Variants in PTPRM observed in about 807,000 individuals in gnomAD.
PTPRM encodes protein tyrosine phosphatase receptor type M, also known as receptor-type tyrosine-protein phosphatase mu.
Under a neutral mutation model 186.7 loss-of-function variants are expected in PTPRM, and 47 were observed. The ratio of observed to expected loss-of-function variants is 0.25; its 90% CI spans 0.20 to 0.32. PTPRM has a LOEUF of 0.32. PTPRM is among the 10% of genes least tolerant of loss of function. The pLI is 1.00. For synonymous variants in PTPRM, 668 were observed against 674.9 expected, an observed-to-expected ratio of 0.99 and a Z score of 0.16; for missense variants, 1,494 against 1,865.0, an observed-to-expected ratio of 0.80 and a Z score of 3.66.
chr18:7,785,272 A>G (rs1347344539), intron 2 of PTPRM, among the ~76,000 whole-genome samples: 4 of 152,228 alleles, frequency 2.6e-5, no homozygotes, highest in African/African-American at 9.6e-5. Flanking sequence ...AAAATTTCTG[A>G]TAAGAGTGTC....
intron 1 of PTPRM, among the ~76,000 whole-genome samples, chr18:7,655,349 C>T (rs1293157294): frequency 6.6e-6 from 1 of 152,144 alleles, no homozygotes; most frequent in African/African-American, 2.4e-5. Flanking sequence ...CATGAGCCAC[C>T]ACGCCCCACC....
intron 5 of PTPRM, among the ~76,000 whole-genome samples, chr18:7,947,609 A>G (rs1200252394): frequency 6.6e-6 from 1 of 152,118 alleles, no homozygotes; most frequent in Non-Finnish European, 1.5e-5. Context: ...CCTTAACTTC[A>G]TCCAAAGCCT....
At position 7,582,486 on chromosome 18, in the gene PTPRM, G is replaced by C. The variant is rs575797922; in HGVS notation, c.73+14595G>C. Among the ~76,000 whole-genome samples, 7 of 152,264 alleles carry C rather than the reference G, an allele frequency of 4.6e-5. No homozygotes were observed. In the South Asian group the frequency reaches 1.2e-3, roughly 27 times the overall value. On this transcript the variant is annotated intron_variant, in intron 1 of 32. Coordinates refer to ENST00000580170, the MANE Select transcript of PTPRM (RefSeq NM_001105244.2). The stretch of plus-strand genomic sequence containing the variant: ...TCTCCTGGCCAAAGCCAGTTACAAG[G>C]CCAGCCTAGAATCAAGGGTGGGGAA...
intron 14 of PTPRM, among the ~76,000 whole-genome samples, chr18:8,153,193 C>T (rs890024380): frequency 2.6e-5 from 4 of 152,134 alleles, no homozygotes; most frequent in African/African-American, 9.7e-5. Context: ...ATTTTTAATT[C>T]CGGGAATATG....
intron 19 of PTPRM, among the ~76,000 whole-genome samples, chr18:8,286,078 A>G (rs1170858578): frequency 6.6e-6 from 1 of 152,194 alleles, no homozygotes; most frequent in African/African-American, 2.4e-5. Flanking sequence ...AACAGAGGGA[A>G]GTGGTGAGGG....
chr18:7,625,934 G>A (rs1464152715), intron 1 of PTPRM, among the ~76,000 whole-genome samples: 1 of 152,154 alleles, frequency 6.6e-6, no homozygotes, highest in Admixed American at 6.5e-5. Context: ...TGACATTGGG[G>A]CCCATGAGCC....
chr18:7,804,436 A>G (rs1037931451), intron 2 of PTPRM, among the ~76,000 whole-genome samples: 3 of 152,222 alleles, frequency 2.0e-5, no homozygotes, highest in Non-Finnish European at 4.4e-5. Flanking sequence ...TGTAAATAGC[A>G]GTATGTTTTG....
chr18:7,950,574 G>A (rs2052876570), intron 6 of PTPRM, among the ~76,000 whole-genome samples: 1 of 152,148 alleles, frequency 6.6e-6, no homozygotes, highest in Non-Finnish European at 1.5e-5. Flanking sequence ...TGTGTGTAAG[G>A]TAGATATCAG....
chr18:8,343,088 A>G (rs1049056367), intron 22 of PTPRM, among the ~76,000 whole-genome samples: 8 of 151,832 alleles, frequency 5.3e-5, no homozygotes, highest in Admixed American at 1.3e-4. Context: ...AATGTTATCT[A>G]TTTTTTAAAA....
chr18:8,239,463 G>A (rs1020477330), intron 14 of PTPRM, among the ~76,000 whole-genome samples: 1 of 151,972 alleles, frequency 6.6e-6, no homozygotes, highest in African/African-American at 2.4e-5. Flanking sequence ...GTTCCTGGAG[G>A]TAAAACTCAC....
intron 19 of PTPRM, among the ~76,000 whole-genome samples, chr18:8,273,377 C>A (rs558731534): frequency 6.6e-6 from 1 of 152,192 alleles, no homozygotes; most frequent in East Asian, 1.9e-4. Context: ...TATGTGAGCC[C>A]CTGACTGCTG....
intron 19 of PTPRM, among the ~76,000 whole-genome samples, chr18:8,271,516 T>C (rs2094770943): frequency 1.3e-5 from 2 of 152,002 alleles, no homozygotes; most frequent in African/African-American, 4.8e-5. Context: ...TAAAATAATA[T>C]CTGCTTTTTA....
rs559968618 is a variant in PTPRM at position 7,699,651 on chromosome 18, C to A, written c.74-74498C>A. Among the ~76,000 whole-genome samples, 7 of 151,940 alleles carry A rather than the reference C, an allele frequency of 4.6e-5. No individual in the cohort carries two copies. The East Asian group carries it at 1.4e-3, about 29-fold the overall frequency. On this transcript the variant is annotated intron_variant, in intron 1 of 32. Transcript: ENST00000580170. ...TCTCAAACTCCTGACTGCAGGTGAT[C>A]TGCCTGCTGGGATTACAAGTGTGAG...
chr18:8,261,391 A>T (rs2094630066), intron 19 of PTPRM, among the ~76,000 whole-genome samples: 1 of 152,192 alleles, frequency 6.6e-6, no homozygotes, highest in African/African-American at 2.4e-5. Flanking sequence ...CAGGTCCATA[A>T]GAAAATGATA....
intron 2 of PTPRM, among the ~76,000 whole-genome samples, chr18:7,840,342 G>C (rs2046263047): frequency 6.6e-6 from 1 of 152,120 alleles, no homozygotes; most frequent in Admixed American, 6.5e-5. Flanking sequence ...CAAGAAAAAA[G>C]GTATATGTGT....
intron 1 of PTPRM, among the ~76,000 whole-genome samples, chr18:7,652,548 A>T (rs1186964026): frequency 6.6e-6 from 1 of 151,984 alleles, no homozygotes; most frequent in East Asian, 1.9e-4. Context: ...TGTGGCACAT[A>T]TACACCATGG....
Position 8,239,198 on chromosome 18 carries a change from A to G in PTPRM, c.2301-4860A>G, listed in dbSNP as rs1442315341. ...GTGTGATGTTCCCCTTCCTGTCTCC[A>G]TGTGTTCTCATTGTTCATTTCCCAC... On this transcript the variant is annotated intron_variant, in intron 14 of 32. Transcript: ENST00000580170. Among the ~76,000 whole-genome samples, 14 of 121,456 alleles carry G rather than the reference A, an allele frequency of 1.2e-4. 1 individual carries two copies. The highest frequency in any genetic ancestry group is 1.9e-4 in the Non-Finnish European group (12 of 63,068). 79.7% of individuals were successfully genotyped at this position (121,456 alleles called of 152,430 possible).
intron 11 of PTPRM, among the ~76,000 whole-genome samples, chr18:8,109,560 ATTGT>A (rs1181582648): frequency 6.6e-6 from 1 of 152,196 alleles, no homozygotes; most frequent in Non-Finnish European, 1.5e-5. Context: ...CTGTCCAATG[ATTGT>A]TTAATTCTTA....
intron 4 of PTPRM, among the ~76,000 whole-genome samples, chr18:7,911,702 A>C (rs1004592751): frequency 1.3e-5 from 2 of 152,152 alleles, no homozygotes; most frequent in Non-Finnish European, 2.9e-5. Flanking sequence ...CATCCTTAAC[A>C]GCACAAAGAT....
Sources: allele counts gnomAD v4.1 joint callset (sites outside exome capture counted in the v4.1 genomes callset), GRCh38; gene constraint gnomAD v4.1.1; transcripts MANE v1.5; gene names NCBI Gene and HGNC (gene_info 2026-07-23, HGNC 2026-07-21).